The following PFKP variants were observed in gnomAD, a reference collection of about 807,000 sequenced individuals.
PFKP encodes the protein ATP-dependent 6-phosphofructokinase, platelet type.
Under a neutral mutation model 94.3 loss-of-function variants are expected in PFKP, and 101 were observed. The ratio of observed to expected loss-of-function variants is 1.07; its 90% CI spans 0.91 to 1.26. The LOEUF (loss-of-function observed/expected upper bound fraction) is 1.26. PFKP is among the 50% of genes most tolerant of loss of function. The pLI, the probability that PFKP is intolerant of heterozygous loss-of-function variation, is 0.00. For synonymous variants in PFKP, 573 were observed against 432.6 expected, an observed-to-expected ratio of 1.32 and a Z score of -4.03; for missense variants, 1,145 against 1,103.3, an observed-to-expected ratio of 1.04 and a Z score of -0.53.
At chr10:3,134,366 A>C in intron 19 of PFKP, 117 bp from the exon 20 acceptor site, 3 of 697,222 alleles carry the variant, frequency 4.3e-6, no homozygotes, top group Non-Finnish European at 7.6e-6. Context: ...GTTCTGTTCC[A>C]ACTATAAGGA....
intron 8 of PFKP, chr10:3,108,023 A>G (rs1435153261): frequency 1.2e-5 from 15 of 1,288,726 alleles, no homozygotes; most frequent in Non-Finnish European, 1.5e-5. Flanking sequence ...GGAGCAAAGC[A>G]TATCTCTGGA....
intron 10 of PFKP, 130 bp downstream of exon 10, chr10:3,109,610 G>T (rs1403025163): frequency 8.9e-7 from 1 of 1,129,422 alleles, no homozygotes; most frequent in Non-Finnish European, 1.3e-6. Flanking sequence ...TGAGAAGGAG[G>T]TGAGCTGCCC....
chr10:3,120,123 C>T (rs1003376765), intron 16 of PFKP, 79 bp downstream of exon 16: 8 of 1,143,844 alleles, frequency 7.0e-6, no homozygotes, highest in Admixed American at 3.7e-5. Context: ...TCTACCAGTG[C>T]GCTAGAAATA....
chr10:3,076,312 G>T (rs1350392744), intron 1 of PFKP, among the ~76,000 whole-genome samples: 1 of 152,124 alleles, frequency 6.6e-6, no homozygotes, highest in African/African-American at 2.4e-5. Flanking sequence ...GGCTCTGAGG[G>T]ATGTGCAGGG....
intron 1 of PFKP, among the ~76,000 whole-genome samples, chr10:3,071,724 C>T (rs1369901913): frequency 6.6e-6 from 1 of 152,174 alleles, no homozygotes; most frequent in African/African-American, 2.4e-5. Flanking sequence ...CATGTGAAAG[C>T]TGCGTCCTTT....
In PFKP at chr10:3,109,573, G is replaced by A. The variant is rs141758515; in HGVS notation, c.1089+93G>A. 2,798 of 1,450,720 alleles carry A rather than the reference G, an allele frequency of 1.9e-3. 42 individuals are homozygous for A. The African/African-American group carries it at 0.032, about 17-fold the overall frequency. The allele number at this position is 1,450,720 out of a possible 1,614,324, so 89.9% of individuals were successfully genotyped here. ...GCCTGGGCACCTTGGGTGTCTCGTC[G>A]GTGCACGATGCATTACACGGCCTTT... On this transcript the variant is annotated intron_variant, in intron 10 of 21. Transcript: ENST00000381125.
chr10:3,135,634 A>G, intron 20 of PFKP, 102 bp from the exon 21 acceptor site: 1 of 719,688 alleles, frequency 1.4e-6, no homozygotes, highest in East Asian at 2.8e-5. Context: ...CGGGTTCAGC[A>G]TGGTTCTGAG....
intron 1 of PFKP, chr10:3,069,248 C>A: frequency 2.1e-6 from 3 of 1,452,548 alleles, no homozygotes. Flanking sequence ...AGTAAAAGGA[C>A]CCCAGCATCA....
intron 3 of PFKP, chr10:3,100,908 GTTT>G (rs775619604): frequency 6.6e-7 from 1 of 1,522,800 alleles, no homozygotes. Context: ...GTTCCTGCTG[GTTT>G]TACTTGCAGG....
Position 3,082,472 on chromosome 10 carries a change from G to A in PFKP, c.186+11G>A. On this transcript the variant is annotated intron_variant, in intron 2 of 21. Transcript: ENST00000381125. ...TACTTCATCTACGAGGTCAGTGTCTGCCCCTCACCCCCTGTCGCCCTTCTT... is the reference window on the plus strand; with the variant it reads ...TACTTCATCTACGAGGTCAGTGTCTACCCCTCACCCCCTGTCGCCCTTCTT... 1 of 1,594,350 alleles carries A rather than the reference G, an allele frequency of 6.3e-7. No homozygotes were observed. The highest frequency in any genetic ancestry group is 8.6e-7 in the Non-Finnish European group (1 of 1,166,506).
At chr10:3,116,925 G>A in intron 14 of PFKP, 79 bp downstream of exon 14, 1 of 1,116,050 alleles carries the variant, frequency 9.0e-7, no homozygotes, top group Non-Finnish European at 1.4e-6. Flanking sequence ...ATCGCTGGGT[G>A]CCGACGCCAG....
At chr10:3,103,972 G>T (rs1168191231) in intron 5 of PFKP, 28 bp downstream of exon 5, 1 of 1,606,178 alleles carries the variant, frequency 6.2e-7, no homozygotes, top group African/African-American at 1.3e-5. Flanking sequence ...ACCGGCGGGA[G>T]GCCAGTGGGG....
chr10:3,129,786 G>C, intron 16 of PFKP, 33 bp from the exon 17 acceptor site: 1 of 1,611,186 alleles, frequency 6.2e-7, no homozygotes, highest in Non-Finnish European at 8.5e-7. Flanking sequence ...CCCGGGCCTG[G>C]GCTGGAGTGA....
intron 1 of PFKP, chr10:3,069,260 C>T (rs540701662): frequency 6.8e-6 from 10 of 1,466,720 alleles, no homozygotes; most frequent in South Asian, 2.7e-5. Context: ...CCAGCATCAA[C>T]GTTCTTCCTG....
intron 2 of PFKP, among the ~76,000 whole-genome samples, chr10:3,098,188 A>C (rs912080997): frequency 6.6e-6 from 1 of 152,094 alleles, no homozygotes; most frequent in African/African-American, 2.4e-5. Context: ...TGTCCTCCGG[A>C]CCTTCACTAA....
intron 16 of PFKP, among the ~76,000 whole-genome samples, chr10:3,124,593 G>GC (rs1837742903): frequency 6.6e-6 from 1 of 152,176 alleles, no homozygotes; most frequent in Admixed American, 6.5e-5. Flanking sequence ...CCAGCTGCAT[G>GC]CCCCCTTCCC....
At chr10:3,117,268 T>A (rs1281166526) in intron 14 of PFKP, among the ~76,000 whole-genome samples, 1 of 152,132 alleles carries the variant, frequency 6.6e-6, no homozygotes, top group African/African-American at 2.4e-5. Flanking sequence ...AGGCTCAGAT[T>A]TCCACAGCCG....
In PFKP at chr10:3,113,505, T is replaced by C; in HGVS notation, c.1358T>C (p.Phe453Ser). 2 of 1,612,958 alleles carry C rather than the reference T, an allele frequency of 1.2e-6. No individual in the cohort carries two copies. The highest frequency in any genetic ancestry group is 2.2e-5 in the South Asian group (2 of 91,066). ...MLAIYDGFDG[F>S]AKGQIKEIGW... ...GCCATCTATGATGGCTTTGACGGCT[T>C]CGCCAAGGGCCAGGTGAGTCACCCA... Residue 453 changes from phenylalanine (F) to serine (S), a missense_variant, in exon 13 of 22, where the codon TTC (phenylalanine) becomes TCC (serine). By Grantham distance (155) the Phe-to-Ser change is radical. Coordinates refer to ENST00000381125, the MANE Select transcript of PFKP (RefSeq NM_002627.5).
chr10:3,102,008 T>C (rs947863749), intron 4 of PFKP, among the ~76,000 whole-genome samples: 1 of 150,552 alleles, frequency 6.6e-6, no homozygotes, highest in African/African-American at 2.4e-5. Context: ...TCCCAGCACT[T>C]TGGGAGGCCG....
Sources: allele counts gnomAD v4.1 joint callset (sites outside exome capture counted in the v4.1 genomes callset), GRCh38; gene constraint gnomAD v4.1.1; transcripts MANE v1.5; gene names NCBI Gene and HGNC (gene_info 2026-07-23, HGNC 2026-07-21).